AMPH: variants seen among roughly 807,000 people sequenced by gnomAD.
AMPH encodes amphiphysin (Stiff-Mann syndrome with breast cancer 128kD autoantigen).
Under a neutral mutation model 99.1 loss-of-function variants are expected in AMPH, and 49 were observed. That is an observed-to-expected ratio of 0.49 (90% CI 0.39 to 0.63). The LOEUF (loss-of-function observed/expected upper bound fraction) is 0.63, where lower values mean the gene tolerates loss of function less well. Among genes scored for constraint, AMPH ranks in the 20% least tolerant of loss-of-function variants. The pLI is 0.00. For synonymous variants in AMPH, 314 were observed against 317.3 expected (o/e 0.99, Z 0.11); for missense variants, 759 against 863.4 (o/e 0.88, Z 1.52).
At chr7:38,396,694 C>CT (rs1784680220) in intron 17 of AMPH, among the ~76,000 whole-genome samples, 3 of 152,194 alleles carry the variant, frequency 2.0e-5, no homozygotes, top group African/African-American at 7.2e-5. Flanking sequence ...ATCGAATAGA[C>CT]TTTCATCACT....
At chr7:38,610,812 A>G (rs1793658246) in intron 1 of AMPH, among the ~76,000 whole-genome samples, 1 of 152,210 alleles carries the variant, frequency 6.6e-6, no homozygotes, top group Non-Finnish European at 1.5e-5. Flanking sequence ...AAAATCATTT[A>G]ATTTCAACTT....
chr7:38,451,522 A>C (rs1029601759), intron 11 of AMPH, among the ~76,000 whole-genome samples: 7 of 150,680 alleles, frequency 4.6e-5, no homozygotes, highest in African/African-American at 1.7e-4. Flanking sequence ...TTATTTCTTA[A>C]AGTGTTTTAC....
intron 1 of AMPH, among the ~76,000 whole-genome samples, chr7:38,581,859 G>A (rs921430101): frequency 1.3e-5 from 2 of 152,042 alleles, no homozygotes; most frequent in African/African-American, 4.8e-5. Flanking sequence ...TGAAAGATGG[G>A]ATTTGCTGAG....
chr7:38,441,842 C>CTG lies in AMPH; in HGVS notation c.1018-5455_1018-5454insCA, dbSNP rs59977092. On this transcript the variant is annotated intron_variant, in intron 11 of 20. Transcript: ENST00000356264. ...ATCATATATCATATATATCATATAT[C>CTG]ATATATATCATATATATCATATATA... Among the ~76,000 whole-genome samples, 67 of 94,332 alleles carry CTG rather than the reference C, an allele frequency of 7.1e-4. 1 individual carries two copies. The highest frequency in any genetic ancestry group is 3.3e-3 in the East Asian group (10 of 3,002). The allele number at this position is 94,332 out of a possible 152,430, so 61.9% of individuals were successfully genotyped here. A position where few individuals can be genotyped will look rare whatever the true frequency, so the allele number is the denominator to read the frequency against.
intron 1 of AMPH, among the ~76,000 whole-genome samples, chr7:38,628,078 C>T (rs1584322884): frequency 6.6e-6 from 1 of 152,268 alleles, no homozygotes; most frequent in East Asian, 1.9e-4. Context: ...ATGGTTGTAA[C>T]CCTTAGGCTT....
At chr7:38,468,469 T>A (rs1228324972) in intron 7 of AMPH, among the ~76,000 whole-genome samples, 1 of 152,252 alleles carries the variant, frequency 6.6e-6, no homozygotes, top group Non-Finnish European at 1.5e-5. Flanking sequence ...CAGCATATCT[T>A]AAGTTGTCAA....
At chr7:38,448,629 T>C (rs1786884131) in intron 11 of AMPH, among the ~76,000 whole-genome samples, 2 of 152,312 alleles carry the variant, frequency 1.3e-5, no homozygotes, top group Admixed American at 1.3e-4. Context: ...TTATGTAGTA[T>C]TTTTGGATCA....
chr7:38,448,279 G>A (rs532030991), intron 11 of AMPH, among the ~76,000 whole-genome samples: 2 of 152,240 alleles, frequency 1.3e-5, no homozygotes, highest in African/African-American at 4.8e-5. Context: ...ATGGAAAATC[G>A]TTCAGTCATT....
At chr7:38,493,455 A>AT (rs377705937) in intron 4 of AMPH, among the ~76,000 whole-genome samples, 149 of 150,390 alleles carry the variant, frequency 9.9e-4, no homozygotes, top group African/African-American at 2.8e-3. Flanking sequence ...TAGTAGATAC[A>AT]TTTTTTTTTT....
chr7:38,439,959 T>C (rs1296658253), intron 11 of AMPH, among the ~76,000 whole-genome samples: 1 of 152,184 alleles, frequency 6.6e-6, no homozygotes, highest in East Asian at 1.9e-4. Context: ...GTTGACCATA[T>C]GTCATGCTTT....
At chr7:38,542,493 T>C (rs1790841082) in intron 1 of AMPH, among the ~76,000 whole-genome samples, 1 of 152,184 alleles carries the variant, frequency 6.6e-6, no homozygotes, top group Non-Finnish European at 1.5e-5. Flanking sequence ...AGCTTACATC[T>C]GCCACACTGG....
At chr7:38,441,635 A>T (rs1786508885) in intron 11 of AMPH, among the ~76,000 whole-genome samples, 1 of 151,686 alleles carries the variant, frequency 6.6e-6, no homozygotes, top group Non-Finnish European at 1.5e-5. Context: ...TTATAAAGAC[A>T]CATGCATTTG....
At chr7:38,545,084 A>G (rs1790945795) in intron 1 of AMPH, among the ~76,000 whole-genome samples, 1 of 152,176 alleles carries the variant, frequency 6.6e-6, no homozygotes, top group Non-Finnish European at 1.5e-5. Flanking sequence ...CTCTTGAGCA[A>G]TTCTATAATT....
intron 2 of AMPH, among the ~76,000 whole-genome samples, chr7:38,529,829 C>T (rs930790535): frequency 1.3e-5 from 2 of 152,158 alleles, no homozygotes; most frequent in Non-Finnish European, 2.9e-5. Flanking sequence ...ATATGCTAGG[C>T]CTATCTGCTC....
rs1243779158 is a variant in AMPH, at chr7:38,465,458, G to A, written c.749+9C>T. 2 of 1,566,906 alleles carry A rather than the reference G, an allele frequency of 1.3e-6. No homozygotes were observed. The highest frequency in any genetic ancestry group is 2.3e-5 in the South Asian group (2 of 85,406). On this transcript the variant is annotated intron_variant, in intron 9 of 20. Coordinates refer to ENST00000356264, the MANE Select transcript of AMPH (RefSeq NM_001635.4). ...GACATTACAGGTGCTCCAATGAGCAGGGGCCTACCTGGGCGCTCCTTGGAT... is the reference window on the plus strand; with the variant it reads ...GACATTACAGGTGCTCCAATGAGCAAGGGCCTACCTGGGCGCTCCTTGGAT...
At chr7:38,601,839 A>G (rs1237453393) in intron 1 of AMPH, among the ~76,000 whole-genome samples, 2 of 152,276 alleles carry the variant, frequency 1.3e-5, no homozygotes, top group South Asian at 2.1e-4. Context: ...AACATAATTT[A>G]TATAATATTT....
chr7:38,422,442 G>T lies in AMPH; in HGVS notation c.1251C>A (p.Asp417Glu), dbSNP rs745342103. 5.0e-6 allele frequency: 8 copies of T among 1,613,446 alleles called. No individual in the cohort carries two copies. The highest frequency in any genetic ancestry group is 1.7e-5 in the Admixed American group (1 of 59,966). ...QDTSLFTMQT[D>E]QSMICNLAES... ...TTACCAAGTTGCAGATCATACTCTG[G>T]TCTGTCTGCATTGTGAATAATGAAG... Residue 417 changes from aspartate to glutamate, a missense_variant, in exon 16 of 21, where the codon GAC becomes GAA. By Grantham distance (45) the Asp-to-Glu change is conservative (BLOSUM62 2). Around this residue, in one of 2 missense-constraint regions of AMPH, gnomAD observed 554 missense variants for 575.6 expected, o/e 0.96. Transcript: ENST00000356264.
chr7:38,594,771 C>G (rs530763786), intron 1 of AMPH, among the ~76,000 whole-genome samples: 2 of 152,164 alleles, frequency 1.3e-5, no homozygotes, highest in South Asian at 4.2e-4. Flanking sequence ...ATCTGCATCC[C>G]AAATTTCCCC....
intron 5 of AMPH, among the ~76,000 whole-genome samples, chr7:38,489,784 T>A (rs6462846): frequency 0.15 from 22,893 of 152,080 alleles, 3,212 homozygotes; most frequent in African/African-American, 0.37. Flanking sequence ...AGAATGATGG[T>A]TGCCAAGGGC....
Sources: allele counts gnomAD v4.1 joint callset (sites outside exome capture counted in the v4.1 genomes callset), GRCh38; gene constraint gnomAD v4.1.1; regional missense constraint gnomAD v4.1.1; transcripts MANE v1.5; gene names NCBI Gene and HGNC (gene_info 2026-07-23, HGNC 2026-07-21).